FAT3: variants seen among roughly 807,000 people sequenced by gnomAD.
The protein encoded by FAT3 is FAT atypical cadherin 3.
FAT3 carries 95 observed loss-of-function variants against 310.2 expected under a neutral mutation model. The ratio of observed to expected loss-of-function variants is 0.31; its 90% CI spans 0.26 to 0.36. The LOEUF (loss-of-function observed/expected upper bound fraction) is 0.36, where lower values mean the gene tolerates loss of function less well. Among genes scored for constraint, FAT3 ranks in the 10% least tolerant of loss-of-function variants. The pLI is 1.00. For missense variants in FAT3, 5,408 were observed against 5,715.6 expected (o/e 0.95, Z 1.74); for synonymous variants, 2,314 against 2,192.9 (o/e 1.06, Z -1.54).
chr11:92,714,519 A>T (rs961503392), intron 4 of FAT3, among the ~76,000 whole-genome samples: 4 of 152,196 alleles, frequency 2.6e-5, no homozygotes, highest in Admixed American at 6.5e-5. Flanking sequence ...GAAAAAAAAA[A>T]TTTGAAAACT....
chr11:92,596,810 T>C (rs1392124210), intron 3 of FAT3, among the ~76,000 whole-genome samples: 1 of 152,198 alleles, frequency 6.6e-6, no homozygotes, highest in East Asian at 1.9e-4. Flanking sequence ...TGAGCTTAAA[T>C]GCAGTTACTG....
intron 20 of FAT3, 148 bp downstream of exon 20, chr11:92,857,496 C>T (rs952716530): frequency 5.5e-6 from 6 of 1,086,546 alleles, no homozygotes; most frequent in Admixed American, 5.4e-5. Context: ...CTAACATCCA[C>T]ACTCACATTT....
chr11:92,613,393 A>AT (rs35423574), intron 3 of FAT3, among the ~76,000 whole-genome samples: 5 of 135,814 alleles, frequency 3.7e-5, no homozygotes, highest in Non-Finnish European at 6.5e-5. Flanking sequence ...GTAATTAAAT[A>AT]TTTTTTTTAA....
At chr11:92,848,723 G>A (rs1948746233) in intron 19 of FAT3, among the ~76,000 whole-genome samples, 1 of 152,258 alleles carries the variant, frequency 6.6e-6, no homozygotes, top group Non-Finnish European at 1.5e-5. Context: ...TGGATGGAGT[G>A]TTTGCCATGG....
At chr11:92,344,536 G>C (rs1261783814) in intron 1 of FAT3, among the ~76,000 whole-genome samples, 2 of 152,176 alleles carry the variant, frequency 1.3e-5, no homozygotes, top group Non-Finnish European at 2.9e-5. Flanking sequence ...GAAAGAAACT[G>C]TACACTGCTT....
chr11:92,583,627 G>A (rs1051765800), intron 3 of FAT3, among the ~76,000 whole-genome samples: 11 of 151,630 alleles, frequency 7.3e-5, no homozygotes, highest in Non-Finnish European at 1.2e-4. Flanking sequence ...TTTTCATCAC[G>A]AAAGTTTCCC....
At chr11:92,467,112 G>A (rs1951783685) in intron 2 of FAT3, among the ~76,000 whole-genome samples, 1 of 151,954 alleles carries the variant, frequency 6.6e-6, no homozygotes, top group African/African-American at 2.4e-5. Flanking sequence ...GGGATGGCTG[G>A]GTCAAATGGT....
At chr11:92,783,424 G>A (rs1020938114) in intron 7 of FAT3, among the ~76,000 whole-genome samples, 3 of 147,532 alleles carry the variant, frequency 2.0e-5, no homozygotes, top group African/African-American at 7.5e-5. Flanking sequence ...TTAGGAAAAT[G>A]CTGGAACAAC....
chr11:92,834,731 A>T (rs1044705944), intron 14 of FAT3, 139 bp from the exon 15 acceptor site: 2 of 723,994 alleles, frequency 2.8e-6, no homozygotes, highest in African/African-American at 3.6e-5. Context: ...TAATACTTTC[A>T]GTAAGGCATT....
intron 12 of FAT3, among the ~76,000 whole-genome samples, chr11:92,807,253 G>A (rs1202259684): frequency 6.6e-6 from 1 of 152,094 alleles, no homozygotes; most frequent in Non-Finnish European, 1.5e-5. Flanking sequence ...GAAAGTTCTT[G>A]GTTCTAAGGC....
chr11:92,386,366 A>T (rs1479036008), intron 2 of FAT3, among the ~76,000 whole-genome samples: 7 of 152,210 alleles, frequency 4.6e-5, no homozygotes, highest in Admixed American at 1.3e-4. Flanking sequence ...GCCTAGGAAC[A>T]TATACAAGAC....
At chr11:92,583,706 C>G (rs7951136) in intron 3 of FAT3, among the ~76,000 whole-genome samples, 2 of 151,860 alleles carry the variant, frequency 1.3e-5, no homozygotes, top group East Asian at 3.9e-4. Context: ...GGACACACCC[C>G]CATTGTCACT....
At chr11:92,846,245 C>G (rs1014085000) in intron 19 of FAT3, among the ~76,000 whole-genome samples, 6 of 152,126 alleles carry the variant, frequency 3.9e-5, no homozygotes, top group African/African-American at 1.4e-4. Flanking sequence ...CTAATTAATC[C>G]TTGTACTCTG....
chr11:92,373,796 A>G (rs1949263031), intron 2 of FAT3, among the ~76,000 whole-genome samples: 1 of 150,940 alleles, frequency 6.6e-6, no homozygotes, highest in Admixed American at 6.6e-5. Context: ...ACACACACAC[A>G]CACACACACA....
At chr11:92,246,388 A>G (rs945557331) in intron 1 of FAT3, among the ~76,000 whole-genome samples, 2 of 152,044 alleles carry the variant, frequency 1.3e-5, no homozygotes, top group Non-Finnish European at 2.9e-5. Context: ...CTGAAAAGGG[A>G]GCAGATGAAA....
intron 4 of FAT3, among the ~76,000 whole-genome samples, chr11:92,711,134 A>C (rs1036878844): frequency 7.2e-5 from 11 of 152,216 alleles, no homozygotes; most frequent in African/African-American, 2.4e-4. Flanking sequence ...ATTTTGGTAA[A>C]TAATCTTTCA....
chr11:92,281,024 T>C (rs2077248204), intron 1 of FAT3, among the ~76,000 whole-genome samples: 1 of 152,194 alleles, frequency 6.6e-6, no homozygotes, highest in South Asian at 2.1e-4. Context: ...CTACTACTTA[T>C]AATAGCAAAA....
At chr11:92,615,011 T>C (rs942754432) in intron 3 of FAT3, among the ~76,000 whole-genome samples, 9 of 152,234 alleles carry the variant, frequency 5.9e-5, no homozygotes, top group Admixed American at 2.6e-4. Flanking sequence ...GTTGAAATCA[T>C]GTGACTATAA....
chr11:92,672,389 A>G (rs1943156842), intron 3 of FAT3, among the ~76,000 whole-genome samples: 1 of 152,182 alleles, frequency 6.6e-6, no homozygotes, highest in South Asian at 2.1e-4. Flanking sequence ...TATAGCAGAA[A>G]TGGACTTTGC....
Sources: gnomAD v4.1 joint callset for allele counts (sites outside exome capture counted in the v4.1 genomes callset) on GRCh38, gnomAD v4.1.1 for gene constraint, MANE v1.5 for transcripts, NCBI Gene and HGNC (gene_info 2026-07-23, HGNC 2026-07-21) for gene names.